SPRED1: variants seen among roughly 807,000 people sequenced by gnomAD.
The protein encoded by SPRED1 is sprouty-related, EVH1 domain-containing protein 1.
SPRED1 carries 18 observed loss-of-function variants against 52.3 expected under a neutral mutation model. That is an observed-to-expected ratio of 0.34 (90% CI 0.24 to 0.51). The LOEUF (loss-of-function observed/expected upper bound fraction) is 0.51. Ranked by LOEUF, SPRED1 falls within the 20% of genes least tolerant of loss-of-function variation. The pLI is 0.97. For missense variants in SPRED1, 485 were observed against 551.0 expected (o/e 0.88, Z 1.20); for synonymous variants, 155 against 179.7 (o/e 0.86, Z 1.10).
chr15:38,278,482 C>T (rs1412203552), intron 1 of SPRED1, among the ~76,000 whole-genome samples: 1 of 152,076 alleles, frequency 6.6e-6, no homozygotes, highest in Non-Finnish European at 1.5e-5. Flanking sequence ...GACCCTGTCT[C>T]CTCCTCCAAA....
chr15:38,264,411 A>G (rs1894262568), intron 1 of SPRED1, among the ~76,000 whole-genome samples: 4 of 152,220 alleles, frequency 2.6e-5, no homozygotes, highest in Admixed American at 2.6e-4. Flanking sequence ...AGTTTTGGTA[A>G]AGTTAAAGAG....
intron 6 of SPRED1, among the ~76,000 whole-genome samples, chr15:38,350,266 T>TAGCTGCCCTCA (rs1437703476): frequency 6.6e-6 from 1 of 152,194 alleles, no homozygotes; most frequent in Non-Finnish European, 1.5e-5. Context: ...CCTCACATGG[T>TAGCTGCCCTCA]CTTTCCTCAC....
chr15:38,325,032 C>T (rs1895685727), intron 4 of SPRED1, among the ~76,000 whole-genome samples: 1 of 152,136 alleles, frequency 6.6e-6, no homozygotes, highest in Admixed American at 6.5e-5. Context: ...GAGACAAGGT[C>T]TTGCTATGTT....
chr15:38,350,893 C>T (rs1263899916), intron 6 of SPRED1, 121 bp from the exon 7 acceptor site: 8 of 1,057,694 alleles, frequency 7.6e-6, no homozygotes, highest in African/African-American at 1.6e-5. Context: ...ATCCCAAAAA[C>T]ATATCATAGA....
Position 38,351,642 on chromosome 15 carries a change from G to T in SPRED1, c.1313G>T (p.Gly438Val), listed in dbSNP as rs573603750. 31 of 1,613,252 alleles carry T rather than the reference G, an allele frequency of 1.9e-5. No individual in the cohort carries two copies. The highest frequency in any genetic ancestry group is 2.5e-5 in the Non-Finnish European group (29 of 1,179,984). ...GGTGAGGCATGTGGTTGCTGTGGTG[G>T]GAAACATAAAGCTGCTGGATGAAAT... ...RCGEACGCCG[G>V]KHKAAG The change falls in exon 7 of 7, where the codon GGG (glycine) becomes GTG (valine). Residue 438 changes from glycine (G) to valine (V), a missense_variant. Coordinates refer to ENST00000299084, the MANE Select transcript of SPRED1 (RefSeq NM_152594.3).
rs1888519395 is a variant in SPRED1, at chr15:38,352,729, G to T, written c.*1065G>T. The T allele has an allele frequency of 6.6e-6, 1 of 152,038 alleles. No individual in the cohort carries two copies. The highest frequency in any genetic ancestry group is 1.5e-5 in the Non-Finnish European group (1 of 67,946). 9.4% of individuals were successfully genotyped at this position (152,038 alleles called of 1,614,324 possible). On this transcript the variant is annotated 3_prime_UTR_variant, in exon 7 of 7. Transcript: ENST00000299084. Reference sequence around the variant, plus strand: ...GTATCATTCTGCTAAACCAGAATATGTTCAGCTGTGTTACTAATTTTTCAG... The same window carrying T: ...GTATCATTCTGCTAAACCAGAATATTTTCAGCTGTGTTACTAATTTTTCAG...
chr15:38,262,870 A>G (rs1894231732), intron 1 of SPRED1, among the ~76,000 whole-genome samples: 1 of 152,224 alleles, frequency 6.6e-6, no homozygotes, highest in Non-Finnish European at 1.5e-5. Flanking sequence ...CACCACAACT[A>G]TCTTTAGTCA....
At chr15:38,280,493 A>G (rs977282443) in intron 1 of SPRED1, among the ~76,000 whole-genome samples, 1 of 148,500 alleles carries the variant, frequency 6.7e-6, no homozygotes. Flanking sequence ...ATTGACATGG[A>G]TATCATCTTT....
At chr15:38,279,551 A>T (rs144788450) in intron 1 of SPRED1, among the ~76,000 whole-genome samples, 31 of 152,322 alleles carry the variant, frequency 2.0e-4, no homozygotes, top group African/African-American at 6.5e-4. Context: ...GTAAACTTCC[A>T]TTGGTACTTT....
intron 1 of SPRED1, among the ~76,000 whole-genome samples, chr15:38,287,008 G>A (rs781509708): frequency 6.6e-6 from 1 of 152,078 alleles, no homozygotes; most frequent in Non-Finnish European, 1.5e-5. Context: ...TTGAGGGAAG[G>A]TATAGAATCT....
intron 1 of SPRED1, among the ~76,000 whole-genome samples, chr15:38,272,056 T>A (rs559284958): frequency 6.6e-6 from 1 of 152,268 alleles, no homozygotes; most frequent in African/African-American, 2.4e-5. Context: ...TCCAGCTGCA[T>A]ACGTGTTGCT....
chr15:38,298,262 A>G (rs892880802), intron 1 of SPRED1, among the ~76,000 whole-genome samples: 10 of 152,172 alleles, frequency 6.6e-5, no homozygotes, highest in African/African-American at 2.4e-4. Flanking sequence ...ATTGATGGGA[A>G]TGTGTAACAG....
At chr15:38,259,370 C>T (rs1249574674) in intron 1 of SPRED1, among the ~76,000 whole-genome samples, 3 of 152,140 alleles carry the variant, frequency 2.0e-5, no homozygotes, top group Non-Finnish European at 4.4e-5. Flanking sequence ...GATCTCCCAC[C>T]TGTGCCTCTT....
At position 38,354,720 on chromosome 15, in the gene SPRED1, T is replaced by C. The variant is rs1888573098; in HGVS notation, c.*3056T>C. On this transcript the variant is annotated 3_prime_UTR_variant, in exon 7 of 7. Coordinates refer to ENST00000299084, the MANE Select transcript of SPRED1 (RefSeq NM_152594.3). ...TGAAAGATTTTAAGCACTTTTTTCT[T>C]ACATATCCTGTTTTAAAATATTTGT... The C allele has an allele frequency of 6.6e-6, 1 of 152,208 alleles. No homozygotes were observed. Among genetic ancestry groups the C allele is most frequent in the East Asian group, 1.9e-4 (1 of 5,202 alleles). The allele number at this position is 152,208 out of a possible 1,614,324, so 9.4% of individuals were successfully genotyped here. A position where few individuals can be genotyped will look rare whatever the true frequency, so the allele number is the denominator to read the frequency against.
chr15:38,308,391 T>A (rs879581942), intron 2 of SPRED1, among the ~76,000 whole-genome samples: 2 of 152,222 alleles, frequency 1.3e-5, no homozygotes, highest in Non-Finnish European at 2.9e-5. Context: ...TGTGTGTATT[T>A]TATTTAAGTC....
intron 2 of SPRED1, among the ~76,000 whole-genome samples, chr15:38,314,757 CTATT>C (rs568494079): frequency 5.9e-5 from 9 of 151,784 alleles, no homozygotes; most frequent in Non-Finnish European, 1.2e-4. Flanking sequence ...TTTATATTAA[CTATT>C]TAGTCATACA....
chr15:38,260,468 GAC>G (rs1459414536), intron 1 of SPRED1, among the ~76,000 whole-genome samples: 1 of 152,088 alleles, frequency 6.6e-6, no homozygotes, highest in East Asian at 1.9e-4. Context: ...TTTTGGGGGA[GAC>G]ACAGTTCAAC....
At chr15:38,334,783 T>C (rs1384050036) in intron 4 of SPRED1, among the ~76,000 whole-genome samples, 3 of 152,030 alleles carry the variant, frequency 2.0e-5, no homozygotes, top group African/African-American at 7.2e-5. Context: ...ATTCTTGTTT[T>C]CTTTATTTTT....
intron 4 of SPRED1, among the ~76,000 whole-genome samples, chr15:38,330,507 TTAA>T (rs1329396940): frequency 6.6e-6 from 1 of 152,112 alleles, no homozygotes; most frequent in Non-Finnish European, 1.5e-5. Flanking sequence ...ACACCACATG[TTAA>T]TAATGGTTTT....
Sources: allele counts gnomAD v4.1 joint callset (sites outside exome capture counted in the v4.1 genomes callset), GRCh38; gene constraint gnomAD v4.1.1; transcripts MANE v1.5; gene names NCBI Gene and HGNC (gene_info 2026-07-23, HGNC 2026-07-21).